HDLBP: variants seen among roughly 807,000 people sequenced by gnomAD.
The protein encoded by HDLBP is high density lipoprotein binding protein.
A neutral mutation model predicts 137.3 loss-of-function variants in HDLBP; 30 were observed. That is an observed-to-expected ratio of 0.22 (90% confidence interval 0.16 to 0.30). HDLBP has a LOEUF of 0.30. HDLBP is among the 10% of genes least tolerant of loss of function. The pLI, the probability that HDLBP is intolerant of heterozygous loss-of-function variation, is 1.00. For missense variants in HDLBP, 1,119 were observed against 1,667.3 expected, an observed-to-expected ratio of 0.67 and a Z score of 5.73; for synonymous variants, 606 against 596.0, an observed-to-expected ratio of 1.02 and a Z score of -0.24.
intron 21 of HDLBP, 26 bp downstream of exon 21, chr2:241,236,589 G>C: frequency 6.2e-7 from 1 of 1,611,974 alleles, no homozygotes; most frequent in South Asian, 1.1e-5. Context: ...TTGGCGGGGG[G>C]TGGAGGGGGG....
chr2:241,303,309 C>A (rs999428276), intron 1 of HDLBP, among the ~76,000 whole-genome samples: 4 of 152,190 alleles, frequency 2.6e-5, no homozygotes, highest in African/African-American at 9.7e-5. Context: ...TCTCACAGGA[C>A]AGAGCAAGGC....
chr2:241,231,244 C>T (rs1485138730), intron 24 of HDLBP: 5 of 273,662 alleles, frequency 1.8e-5, no homozygotes, highest in African/African-American at 4.4e-5. Flanking sequence ...ATTAGCCGGG[C>T]GTGGTGGTGC....
At chr2:241,275,951 G>C (rs966563236) in intron 1 of HDLBP, among the ~76,000 whole-genome samples, 1 of 152,118 alleles carries the variant, frequency 6.6e-6, no homozygotes, top group Non-Finnish European at 1.5e-5. Context: ...AGACCAGAAA[G>C]AAGGAATACT....
At position 241,240,037 on chromosome 2, in the gene HDLBP, T is replaced by C; in HGVS notation, c.2255A>G (p.Lys752Arg). Residue 752 changes from lysine (K) to arginine (R), a missense_variant, in exon 18 of 28, where the codon AAG becomes AGG. Physicochemically the swap from Lys to Arg is conservative, Grantham distance 26 (BLOSUM62 2). Coordinates refer to ENST00000310931, the MANE Select transcript of HDLBP (RefSeq NM_005336.6). The surrounding 1 kb of genome is among the most constrained non-coding windows in gnomAD (Gnocchi z 5.5). ...ACGTGCTCCAGTGCTGTCGCGCACC[T>C]TGCGAATTTTGCCGCCCCCCTTGCC... Reference protein sequence around the residue: ...LIGKGGGKIRKVRDSTGARVI... With the variant: ...LIGKGGGKIRRVRDSTGARVI... The C allele has an allele frequency of 6.2e-7, 1 of 1,614,198 alleles. No homozygotes were observed. The highest frequency in any genetic ancestry group is 8.5e-7 in the Non-Finnish European group (1 of 1,180,042).
At chr2:241,253,809 C>T (rs1320591174) in intron 9 of HDLBP, among the ~76,000 whole-genome samples, 1 of 152,208 alleles carries the variant, frequency 6.6e-6, no homozygotes, top group Admixed American at 6.5e-5. Context: ...TTTTACAAGG[C>T]CTGGTCCTCT....
chr2:241,267,153 A>G (rs1309239383), intron 2 of HDLBP, among the ~76,000 whole-genome samples: 1 of 152,200 alleles, frequency 6.6e-6, no homozygotes, highest in African/African-American at 2.4e-5. Context: ...CCTGGGCCAC[A>G]ATGCAAGAAG....
rs772520027 is a variant in HDLBP at position 241,230,595 on chromosome 2, C to T, written c.3474+164G>A. On this transcript the variant is annotated intron_variant, in intron 25 of 27. Transcript: ENST00000310931. This position sits in a 1 kb window ranked among gnomAD's most constrained non-coding sequence, Gnocchi z 5.0. ...GGCAGTGCAGCCTCACACAGGCCGT[C>T]GCCTGCACTGACCCGTGGTGTCCAT... 6.6e-5 allele frequency among the ~76,000 whole-genome samples: 10 copies of T among 152,246 alleles called. No homozygotes were observed. The highest frequency in any genetic ancestry group is 1.3e-4 in the Non-Finnish European group (9 of 68,048).
Position 241,229,141 on chromosome 2 carries a change from A to C in HDLBP, c.*460T>G, listed in dbSNP as rs936465580. The C allele has an allele frequency of 6.0e-6, 1 of 167,990 alleles. No individual in the cohort carries two copies. Among genetic ancestry groups the C allele is most frequent in the African/African-American group, 2.4e-5 (1 of 41,514 alleles). The allele number at this position is 167,990 out of a possible 1,614,324, so 10.4% of individuals were successfully genotyped here. A position where few individuals can be genotyped will look rare whatever the true frequency, so the allele number is the denominator to read the frequency against. Reference sequence around the variant, plus strand: ...CTGGCAGCTGGAGGAGGCTGATTGCACTCCACAAACAGGACTGTCTGGACC... The same window carrying C: ...CTGGCAGCTGGAGGAGGCTGATTGCCCTCCACAAACAGGACTGTCTGGACC... On this transcript the variant is annotated 3_prime_UTR_variant, in exon 28 of 28. Coordinates refer to ENST00000310931, the MANE Select transcript of HDLBP (RefSeq NM_005336.6).
At chr2:241,246,637 T>C in intron 16 of HDLBP, 115 bp downstream of exon 16, 1 of 1,024,924 alleles carries the variant, frequency 9.8e-7, no homozygotes. Flanking sequence ...AGGTGCAATC[T>C]TCCACATCAG....
In HDLBP at chr2:241,309,959, CCA is replaced by C. The variant is rs902203941; in HGVS notation, c.-103+5609_-103+5610del. Among the ~76,000 whole-genome samples the C allele has an allele frequency of 1.2e-4, 19 of 152,332 alleles. 1 individual carries two copies. The highest frequency in any genetic ancestry group is 4.1e-4 in the South Asian group (2 of 4,832). On this transcript the variant is annotated intron_variant, in intron 1 of 27. Coordinates refer to ENST00000310931, the MANE Select transcript of HDLBP (RefSeq NM_005336.6). ...CAGCCAGGTGCCTCTGCAGTGAAAG[CCA>C]CAGTCAGCCACAGACACAGGCTCAG...
chr2:241,254,174 C>CG (rs770603721), intron 9 of HDLBP, among the ~76,000 whole-genome samples: 6 of 152,032 alleles, frequency 3.9e-5, no homozygotes, highest in Non-Finnish European at 8.8e-5. Context: ...CTGAGACGAG[C>CG]GGATCACTTG....
intron 1 of HDLBP, among the ~76,000 whole-genome samples, chr2:241,293,186 CA>C (rs66737681): frequency 0.85 from 129,136 of 152,140 alleles, 55,239 homozygotes; most frequent in African/African-American, 0.95. Flanking sequence ...GTAGAAGGAA[CA>C]AAAAGAATTG....
chr2:241,266,718 C>G lies in HDLBP; in HGVS notation c.76+76G>C, dbSNP rs955442505. The G allele has an allele frequency of 1.0e-5, 10 of 973,276 alleles. No homozygotes were observed. In the Admixed American group the frequency reaches 1.6e-4, roughly 15 times the overall value. The allele number at this position is 973,276 out of a possible 1,614,324, so 60.3% of individuals were successfully genotyped here. ...GGCCAAAAGGTACTTCTAGAAAGGG[C>G]ATGGGATTTGGTAAAGGCTTTAGAG... On this transcript the variant is annotated intron_variant, in intron 3 of 27. Coordinates refer to ENST00000310931, the MANE Select transcript of HDLBP (RefSeq NM_005336.6).
rs767610900 is a variant in HDLBP at position 241,248,327 on chromosome 2, G to T, written c.1534C>A (p.Leu512Ile). 1.2e-6 allele frequency: 2 copies of T among 1,613,016 alleles called. No homozygotes were observed. The highest frequency in any genetic ancestry group is 1.7e-6 in the Non-Finnish European group (2 of 1,178,956). The change falls in exon 13 of 28, where the codon CTA becomes ATA. Residue 512 changes from leucine (L) to isoleucine (I), a missense_variant. Physicochemically the swap from Leu to Ile is conservative, Grantham distance 5. This residue lies in a region of HDLBP where 425 missense variants were observed against 693.9 expected (regional missense o/e 0.61). Transcript: ENST00000310931. ...CGATGAAATCTTTGCTCAATGATTAGATCCTTGGTACGCTCATTTTCCTAA... is the reference window on the plus strand; with the variant it reads ...CGATGAAATCTTTGCTCAATGATTATATCCTTGGTACGCTCATTTTCCTAA... ...SRMENERTKD[L>I]IIEQRFHRTI... is the part of the protein sequence containing the mutation.
At position 241,272,881 on chromosome 2, in the gene HDLBP, C is replaced by A; in HGVS notation, c.-102-4340G>T. The stretch of plus-strand genomic sequence containing the variant: ...TGCTATATAGGGCGGCGGCCCAATC[C>A]CGCCTGGACACGTCAGCGCCCGCCC... On this transcript the variant is annotated intron_variant, in intron 1 of 27. Coordinates refer to ENST00000310931, the MANE Select transcript of HDLBP (RefSeq NM_005336.6). This position sits in a 1 kb window ranked among gnomAD's most constrained non-coding sequence, Gnocchi z 5.6. 2.3e-6 allele frequency: 1 copy of A among 433,574 alleles called. No individual in the cohort carries two copies. The highest frequency in any genetic ancestry group is 3.1e-6 in the Non-Finnish European group (1 of 325,890). The allele number at this position is 433,574 out of a possible 1,614,324, so 26.9% of individuals were successfully genotyped here.
chr2:241,271,467 G>C (rs1232120834), intron 1 of HDLBP, among the ~76,000 whole-genome samples: 1 of 152,142 alleles, frequency 6.6e-6, no homozygotes, highest in East Asian at 1.9e-4. Flanking sequence ...TGGGAAACCT[G>C]GTGCTTACAA....
chr2:241,268,383 A>C, intron 2 of HDLBP, 94 bp downstream of exon 2: 1 of 776,772 alleles, frequency 1.3e-6, no homozygotes, highest in East Asian at 1.3e-4. Context: ...TAAAGAAAGA[A>C]GGTACACACA....
At chr2:241,235,638 A>G in intron 21 of HDLBP, 44 bp from the exon 22 acceptor site, 2 of 1,398,526 alleles carry the variant, frequency 1.4e-6, no homozygotes, top group Non-Finnish European at 2.0e-6. Context: ...AGCTGAGAGC[A>G]GAGTGACGTT....
chr2:241,245,045 G>A (rs1574898397), intron 16 of HDLBP, among the ~76,000 whole-genome samples: 1 of 151,774 alleles, frequency 6.6e-6, no homozygotes, highest in Non-Finnish European at 1.5e-5. Flanking sequence ...ATTCTGCTAT[G>A]TATATTTTAC....
Sources: gnomAD v4.1 joint callset for allele counts (sites outside exome capture counted in the v4.1 genomes callset) on GRCh38, gnomAD v4.1.1 for gene constraint, gnomAD v4.1.1 regional missense constraint, Gnocchi (gnomAD v3.1) non-coding constraint, MANE v1.5 for transcripts, NCBI Gene and HGNC (gene_info 2026-07-23, HGNC 2026-07-21) for gene names.